CDR2L: variants seen among roughly 807,000 people sequenced by gnomAD.
CDR2L encodes the protein cerebellar degeneration related protein 2 like.
CDR2L carries 19 observed loss-of-function variants against 36.1 expected under a neutral mutation model. That is an observed-to-expected ratio of 0.53 (90% CI 0.37 to 0.77). The LOEUF is 0.77. CDR2L is among the 30% of genes least tolerant of loss of function. CDR2L has a pLI of 0.00. For missense variants in CDR2L, 575 were observed against 627.2 expected, an observed-to-expected ratio of 0.92 and a Z score of 0.89; for synonymous variants, 285 against 280.4, an observed-to-expected ratio of 1.02 and a Z score of -0.16.
Position 74,987,684 on chromosome 17 carries a change from C to A in CDR2L, c.-360C>A, listed in dbSNP as rs1179831335. On this transcript the variant is annotated 5_prime_UTR_variant, in exon 1 of 5. Coordinates refer to ENST00000337231, the MANE Select transcript of CDR2L (RefSeq NM_014603.3). ...CCGGGCGGGCCAGGAGCAGCGCGGA[C>A]CCGAGCCGGGCAGGGGGCGCCCGCC... The A allele has an allele frequency of 6.4e-6, 1 of 157,440 alleles. No individual in the cohort carries two copies. Among genetic ancestry groups the A allele is most frequent in the Non-Finnish European group, 1.4e-5 (1 of 71,696 alleles). The allele number at this position is 157,440 out of a possible 1,614,324, so 9.8% of individuals were successfully genotyped here. A position where few individuals can be genotyped will look rare whatever the true frequency, so the allele number is the denominator to read the frequency against.
intron 1 of CDR2L, among the ~76,000 whole-genome samples, chr17:74,997,052 C>CTT (rs1356270328): frequency 3.4e-4 from 3 of 8,784 alleles, no homozygotes; most frequent in African/African-American, 4.5e-4. Flanking sequence ...TTCTTTCTTT[C>CTT]TTTCTTTCTT....
Position 75,003,480 on chromosome 17 carries a change from C to A in CDR2L, c.804C>A (p.Asp268Glu), listed in dbSNP as rs868589718. Residue 268 changes from aspartate (D) to glutamate (E), a missense_variant, in exon 5 of 5, where the codon GAC becomes GAA. Transcript: ENST00000337231. ...KQAKTYLLGPDDHLAEALLAP... is the reference protein window; with the variant it reads ...KQAKTYLLGPEDHLAEALLAP... ...CCAAGACCTACCTACTGGGTCCGGA[C>A]GACCACCTGGCCGAGGCCCTGCTCG... 1 of 1,565,422 alleles carries A rather than the reference C, an allele frequency of 6.4e-7. No homozygotes were observed. Among genetic ancestry groups the A allele is most frequent in the East Asian group, 2.4e-5 (1 of 41,894 alleles).
intron 1 of CDR2L, among the ~76,000 whole-genome samples, chr17:74,991,618 G>A (rs1465617432): frequency 6.6e-6 from 1 of 151,950 alleles, no homozygotes; most frequent in Non-Finnish European, 1.5e-5. Context: ...TCGGGAGGCT[G>A]ATGCAGGAGA....
At chr17:74,990,730 CG>C (rs920811363) in intron 1 of CDR2L, among the ~76,000 whole-genome samples, 28 of 152,316 alleles carry the variant, frequency 1.8e-4, no homozygotes, top group African/African-American at 6.5e-4. Context: ...GGGGCATTCC[CG>C]TGGGCCCTGC....
chr17:74,991,261 G>A (rs1411163436), intron 1 of CDR2L, among the ~76,000 whole-genome samples: 1 of 151,934 alleles, frequency 6.6e-6, no homozygotes, highest in Non-Finnish European at 1.5e-5. Context: ...AATTAGCCAG[G>A]CGTGGTGGCA....
In CDR2L at chr17:75,003,438, G is replaced by A. The variant is rs1232087040; in HGVS notation, c.762G>A (p.Leu254=). ...AGCTGGAGGCCGAGCTGCTGGAGCT[G>A]CAGCAGATGAAGCAGGCCAAGACCT... The part of the protein sequence containing the change: ...VQELEAELLE[L]QQMKQAKTYL... Residue 254 remains leucine (L), a synonymous_variant, in exon 5 of 5, where the codon CTG becomes CTA. Coordinates refer to ENST00000337231, the MANE Select transcript of CDR2L (RefSeq NM_014603.3). 1 of 1,577,878 alleles carries A rather than the reference G, an allele frequency of 6.3e-7. No homozygotes were observed. The highest frequency in any genetic ancestry group is 8.6e-7 in the Non-Finnish European group (1 of 1,163,004).
At chr17:74,991,413 A>AT (rs1364510181) in intron 1 of CDR2L, among the ~76,000 whole-genome samples, 1 of 141,200 alleles carries the variant, frequency 7.1e-6, no homozygotes, top group Non-Finnish European at 1.5e-5. Flanking sequence ...CTTTAAAAAA[A>AT]AAAAAAAAAA....
chr17:75,003,693 A>C lies in CDR2L; in HGVS notation c.1017A>C (p.Thr339=), dbSNP rs565328425. The part of the protein sequence containing the change: ...DPASRHAGNL[T]LHANSVRKRG... ...CCAGCCGGCACGCGGGCAACCTCACACTGCACGCCAACAGCGTGCGCAAGC... is the reference window on the plus strand; with the variant it reads ...CCAGCCGGCACGCGGGCAACCTCACCCTGCACGCCAACAGCGTGCGCAAGC... Residue 339 remains threonine, a synonymous_variant, in exon 5 of 5, where the codon ACA becomes ACC. Transcript: ENST00000337231. 39 of 1,463,668 alleles carry C rather than the reference A, an allele frequency of 2.7e-5. No individual in the cohort carries two copies. In the South Asian group the frequency reaches 5.6e-4, roughly 21 times the overall value. The allele number at this position is 1,463,668 out of a possible 1,614,324, so 90.7% of individuals were successfully genotyped here. A position where few individuals can be genotyped will look rare whatever the true frequency, so the allele number is the denominator to read the frequency against.
intron 1 of CDR2L, 111 bp from the exon 2 acceptor site, chr17:74,999,393 C>T: frequency 1.4e-6 from 1 of 692,258 alleles, no homozygotes; most frequent in Non-Finnish European, 2.5e-6. Context: ...TCCTCCCAGG[C>T]CTGGAGGCTC....
chr17:74,996,263 G>A (rs1598653843), intron 1 of CDR2L, among the ~76,000 whole-genome samples: 1 of 151,910 alleles, frequency 6.6e-6, no homozygotes, highest in African/African-American at 2.4e-5. Flanking sequence ...GACCAACATG[G>A]TGAAACCCCA....
chr17:74,995,104 G>A (rs1484513569), intron 1 of CDR2L, among the ~76,000 whole-genome samples: 1 of 150,140 alleles, frequency 6.7e-6, no homozygotes, highest in Non-Finnish European at 1.5e-5. Context: ...GTCTCACTGT[G>A]TTTCCCAGGC....
Position 74,991,240 on chromosome 17 carries a change from TA to T in CDR2L, c.79+3123del. 6.6e-5 allele frequency among the ~76,000 whole-genome samples: 10 copies of T among 150,920 alleles called. 2 individuals are homozygous for T. Among genetic ancestry groups the T allele is most frequent in the Admixed American group, 6.6e-4 (10 of 15,124 alleles). ...CAACATGGAGAAACCCCGTCTCTAC[TA>T]AAAATACAAAATTAGCCAGGCGTGG... On this transcript the variant is annotated intron_variant, in intron 1 of 4. Coordinates refer to ENST00000337231, the MANE Select transcript of CDR2L (RefSeq NM_014603.3).
chr17:74,991,234 C>G (rs1317575950), intron 1 of CDR2L, among the ~76,000 whole-genome samples: 1 of 151,700 alleles, frequency 6.6e-6, no homozygotes, highest in African/African-American at 2.4e-5. Flanking sequence ...GAAACCCCGT[C>G]TCTACTAAAA....
Position 74,987,667 on chromosome 17 carries a change from G to GC in CDR2L, c.-375dup, listed in dbSNP as rs1244732086. ...GGCGGCTCCGGTTGTCGCCGGGCGG[G>GC]CCAGGAGCAGCGCGGACCCGAGCCG... On this transcript the variant is annotated 5_prime_UTR_variant, in exon 1 of 5. It removes the in-frame stop codon of an upstream open reading frame in the 5' UTR. Transcript: ENST00000337231. The GC allele has an allele frequency of 1.3e-5, 2 of 155,624 alleles. No individual in the cohort carries two copies. The highest frequency in any genetic ancestry group is 4.8e-5 in the African/African-American group (2 of 41,564). 9.6% of individuals were successfully genotyped at this position (155,624 alleles called of 1,614,324 possible).
At chr17:74,993,624 A>G (rs2039809450) in intron 1 of CDR2L, among the ~76,000 whole-genome samples, 1 of 152,188 alleles carries the variant, frequency 6.6e-6, no homozygotes, top group African/African-American at 2.4e-5. Flanking sequence ...TTTTCTTGGC[A>G]TCCTCATCAG....
chr17:74,994,146 C>G (rs1470110629), intron 1 of CDR2L, among the ~76,000 whole-genome samples: 1 of 152,168 alleles, frequency 6.6e-6, no homozygotes, highest in African/African-American at 2.4e-5. Context: ...ATTTCTCAGG[C>G]CTCTGTCCAA....
chr17:74,992,484 G>T (rs1389538514), intron 1 of CDR2L, among the ~76,000 whole-genome samples: 2 of 151,756 alleles, frequency 1.3e-5, no homozygotes, highest in African/African-American at 4.8e-5. Flanking sequence ...TTCACTTCCT[G>T]TCTAGCCAGC....
At chr17:74,990,231 G>A (rs543847788) in intron 1 of CDR2L, among the ~76,000 whole-genome samples, 97 of 152,290 alleles carry the variant, frequency 6.4e-4, no homozygotes, top group African/African-American at 2.1e-3. Flanking sequence ...CTGGGCTGCC[G>A]GGAGGGATGG....
intron 3 of CDR2L, 95 bp from the exon 4 acceptor site, chr17:75,001,969 C>T (rs144667550): frequency 1.8e-6 from 2 of 1,121,552 alleles, no homozygotes; most frequent in African/African-American, 1.6e-5. Context: ...TGCCTCCTAC[C>T]CAACGTCCCT....
Sources: allele counts gnomAD v4.1 joint callset (sites outside exome capture counted in the v4.1 genomes callset), GRCh38; gene constraint gnomAD v4.1.1; transcripts MANE v1.5; gene names NCBI Gene and HGNC (gene_info 2026-07-23, HGNC 2026-07-21).